Variants in PLCZ1 observed in about 807,000 individuals in gnomAD.
PLCZ1 encodes the protein 1-phosphatidylinositol 4,5-bisphosphate phosphodiesterase zeta-1.
A neutral mutation model predicts 76.8 loss-of-function variants in PLCZ1; 64 were observed. The observed-to-expected ratio is 0.83, with a 90% CI of 0.68 to 1.03. The LOEUF is 1.03. PLCZ1 is among the 50% of genes least tolerant of loss of function. The pLI, the probability that PLCZ1 is intolerant of heterozygous loss-of-function variation, is 0.00. For synonymous variants in PLCZ1, 248 were observed against 230.8 expected (o/e 1.07, Z -0.68); for missense variants, 751 against 713.7 (o/e 1.05, Z -0.60).
At chr12:18,716,781 T>G (rs191820833) in intron 5 of PLCZ1, among the ~76,000 whole-genome samples, 1 of 152,350 alleles carries the variant, frequency 6.6e-6, no homozygotes, top group Non-Finnish European at 1.5e-5. Flanking sequence ...TAATTTTTGT[T>G]GTAACTTATT....
chr12:18,707,727 A>T (rs942802743), intron 6 of PLCZ1, among the ~76,000 whole-genome samples: 2 of 152,162 alleles, frequency 1.3e-5, no homozygotes, highest in Non-Finnish European at 2.9e-5. Flanking sequence ...TTTTCCAAAT[A>T]GTGACTACCT....
Position 18,712,835 on chromosome 12 carries a change from T to C in PLCZ1, c.714+7A>G, listed in dbSNP as rs1224636596. On this transcript the variant is annotated splice_region_variant and intron_variant, in intron 6 of 14. Transcript: ENST00000266505. The stretch of plus-strand genomic sequence containing the variant: ...ATAGCTACAGTTGAACAAAGATATG[T>C]ACATACCATGAATGCATACTTGTGT... 13 of 1,613,494 alleles carry C rather than the reference T, an allele frequency of 8.1e-6. No homozygotes were observed. The highest frequency in any genetic ancestry group is 1.1e-5 in the Non-Finnish European group (13 of 1,179,470).
the PLCZ1 span, among the ~76,000 whole-genome samples, chr12:18,676,743 T>C: frequency 1.3e-5 from 2 of 152,272 alleles, no homozygotes; most frequent in African/African-American, 4.8e-5. Context: ...CTTACCTTTC[T>C]TTCTTCAGCA....
intron 6 of PLCZ1, among the ~76,000 whole-genome samples, chr12:18,712,296 T>G (rs1251217137): frequency 6.6e-6 from 1 of 152,134 alleles, no homozygotes; most frequent in Non-Finnish European, 1.5e-5. Context: ...CCTGCTCAAT[T>G]TATAGAGTAG....
chr12:18,696,061 A>G, intron 11 of PLCZ1, 89 bp downstream of exon 11: 1 of 703,630 alleles, frequency 1.4e-6, no homozygotes, highest in East Asian at 3.3e-5. Context: ...CTTTTACAGA[A>G]AGCCCTTTTC....
intron 11 of PLCZ1, 59 bp from the exon 12 acceptor site, chr12:18,695,138 C>T: frequency 1.7e-5 from 26 of 1,495,174 alleles, no homozygotes; most frequent in Non-Finnish European, 2.3e-5. Context: ...TAAAGGAACA[C>T]AAACCACTTA....
chr12:18,703,203 C>T (rs1956169295), intron 7 of PLCZ1, among the ~76,000 whole-genome samples: 1 of 152,094 alleles, frequency 6.6e-6, no homozygotes, highest in African/African-American at 2.4e-5. Context: ...CACAATTGAA[C>T]ACATTGAGTC....
At chr12:18,686,249 C>T (rs750417211) in intron 13 of PLCZ1, among the ~76,000 whole-genome samples, 38 of 151,830 alleles carry the variant, frequency 2.5e-4, no homozygotes, top group Non-Finnish European at 4.1e-4. Context: ...TACTTCTTCT[C>T]AAATCTGCAG....
chr12:18,647,977 T>A, the PLCZ1 span: 2 of 1,599,430 alleles, frequency 1.3e-6, no homozygotes, highest in African/African-American at 1.3e-5. Flanking sequence ...GACTCTGTAG[T>A]GTCCCACTCG....
At chr12:18,727,459 G>A (rs1958818560) in intron 3 of PLCZ1, among the ~76,000 whole-genome samples, 1 of 152,162 alleles carries the variant, frequency 6.6e-6, no homozygotes. Flanking sequence ...TAGAAAAAGT[G>A]ATCCTGGAAC....
At chr12:18,654,605 G>A in the PLCZ1 span, among the ~76,000 whole-genome samples, 2 of 152,148 alleles carry the variant, frequency 1.3e-5, no homozygotes, top group Non-Finnish European at 2.9e-5. Context: ...AAAATATTTG[G>A]AAAATTTGTG....
chr12:18,657,541 G>A, the PLCZ1 span, among the ~76,000 whole-genome samples: 6 of 152,010 alleles, frequency 3.9e-5, no homozygotes, highest in South Asian at 2.1e-4. Context: ...TGTTGTTTTC[G>A]GCTCCAGTAG....
At chr12:18,675,744 C>A in the PLCZ1 span, among the ~76,000 whole-genome samples, 1 of 151,918 alleles carries the variant, frequency 6.6e-6, no homozygotes, top group African/African-American at 2.4e-5. Context: ...GAGCTGGAGT[C>A]CATTATTTTA....
chr12:18,664,711 T>C, the PLCZ1 span, among the ~76,000 whole-genome samples: 1 of 151,706 alleles, frequency 6.6e-6, no homozygotes, highest in Admixed American at 6.6e-5. Flanking sequence ...TGCACACGTA[T>C]GTTTATTGCG....
At chr12:18,668,462 G>A in the PLCZ1 span, among the ~76,000 whole-genome samples, 1 of 152,162 alleles carries the variant, frequency 6.6e-6, no homozygotes, top group Non-Finnish European at 1.5e-5. Context: ...GAGCACCAAG[G>A]TGAGACAAGG....
chr12:18,650,692 GTGTGTGTGTGTGTATATATCTA>G, the PLCZ1 span, among the ~76,000 whole-genome samples: 16 of 38,660 alleles, frequency 4.1e-4, no homozygotes, highest in South Asian at 2.1e-3. Flanking sequence ...GTGTGTGTGT[GTGTGTGTGTGTGTATATATCTA>G]TATATATATA....
chr12:18,722,144 A>G (rs1958479586), intron 4 of PLCZ1, among the ~76,000 whole-genome samples: 1 of 151,982 alleles, frequency 6.6e-6, no homozygotes, highest in South Asian at 2.1e-4. Flanking sequence ...CTCAAATCTC[A>G]CACTCTCAGA....
intron 5 of PLCZ1, among the ~76,000 whole-genome samples, chr12:18,718,262 C>A (rs1324213446): frequency 1.1e-4 from 16 of 152,144 alleles, no homozygotes. Context: ...CAGCTGCTGC[C>A]TCATGAGTTC....
intron 8 of PLCZ1, 57 bp downstream of exon 8, chr12:18,701,634 TC>T (rs1955941131): frequency 6.3e-7 from 1 of 1,591,510 alleles, no homozygotes; most frequent in Admixed American, 1.7e-5. Flanking sequence ...CTCCTCCTCC[TC>T]CTCCTCCTCC....
Sources: allele counts gnomAD v4.1 joint callset (sites outside exome capture counted in the v4.1 genomes callset), GRCh38; gene constraint gnomAD v4.1.1; transcripts MANE v1.5; gene names NCBI Gene and HGNC (gene_info 2026-07-23, HGNC 2026-07-21).